PPP2R2B: variants seen among roughly 807,000 people sequenced by gnomAD.
PPP2R2B encodes protein phosphatase 2 regulatory subunit Bbeta, also known as serine/threonine-protein phosphatase 2A 55 kDa regulatory subunit B beta isoform.
In PPP2R2B, 5 loss-of-function variants were observed where a neutral mutation model predicts 46.0. That is an observed-to-expected ratio of 0.11 (90% CI 0.06 to 0.23). The LOEUF is 0.23. Among genes scored for constraint, PPP2R2B ranks in the 10% least tolerant of loss-of-function variants. The pLI is 1.00. For missense variants in PPP2R2B, 367 were observed against 575.0 expected (o/e 0.64, Z 3.70); for synonymous variants, 215 against 206.7 (o/e 1.04, Z -0.34).
intron 4 of PPP2R2B, among the ~76,000 whole-genome samples, chr5:146,696,859 C>A (rs543487410): frequency 6.6e-6 from 1 of 152,114 alleles, no homozygotes; most frequent in Non-Finnish European, 1.5e-5. Flanking sequence ...AATAACTTTC[C>A]GCTTTTTTCC....
intron 2 of PPP2R2B, among the ~76,000 whole-genome samples, chr5:147,071,569 C>A (rs1757600497): frequency 1.3e-5 from 2 of 152,200 alleles, no homozygotes; most frequent in African/African-American, 4.8e-5. Flanking sequence ...TAAGCCCTTG[C>A]CTCAGGGCAA....
intron 1 of PPP2R2B, among the ~76,000 whole-genome samples, chr5:146,992,798 G>T (rs1229329356): frequency 1.3e-5 from 2 of 152,198 alleles, no homozygotes; most frequent in Non-Finnish European, 2.9e-5. Context: ...ACTCTTATAG[G>T]TGAAAGCATA....
At chr5:146,893,324 A>G (rs897222569) in intron 1 of PPP2R2B, among the ~76,000 whole-genome samples, 4 of 152,230 alleles carry the variant, frequency 2.6e-5, no homozygotes, top group African/African-American at 9.6e-5. Context: ...ACCATCTAAG[A>G]TGATTAAAAT....
At chr5:146,812,799 A>ATATATATATATATATATATG (rs1757684992) in intron 2 of PPP2R2B, among the ~76,000 whole-genome samples, 2 of 49,524 alleles carry the variant, frequency 4.0e-5, no homozygotes, top group African/African-American at 8.3e-5. Flanking sequence ...GTGTGTATAT[A>ATATATATATATATATATATG]TATATATATA....
At position 146,696,945 on chromosome 5, in the gene PPP2R2B, T is replaced by A. The variant is rs150087552; in HGVS notation, c.334+1034A>T. ...AAGGAACAAATTGACAAGTTGCCCA[T>A]ACTGCACAAAAATTAATCATGATGA... On this transcript the variant is annotated intron_variant, in intron 4 of 9. Transcript: ENST00000394411. Among the ~76,000 whole-genome samples, 98 of 152,342 alleles carry A rather than the reference T, an allele frequency of 6.4e-4. No individual in the cohort carries two copies. The East Asian group carries it at 0.017, about 27-fold the overall frequency.
At chr5:146,738,246 A>G (rs966676239) in intron 2 of PPP2R2B, among the ~76,000 whole-genome samples, 3 of 151,576 alleles carry the variant, frequency 2.0e-5, no homozygotes, top group African/African-American at 7.3e-5. Context: ...TATACAAAAA[A>G]TTAGCCGGGC....
intron 2 of PPP2R2B, 152 bp from the exon 3 acceptor site, chr5:146,701,294 AC>A: frequency 1.2e-6 from 1 of 803,542 alleles, no homozygotes; most frequent in Non-Finnish European, 2.2e-6. Flanking sequence ...TTTAAATGCC[AC>A]CAGAAGTGGC....
chr5:146,888,862 G>A (rs1762408152), intron 1 of PPP2R2B, among the ~76,000 whole-genome samples: 1 of 152,122 alleles, frequency 6.6e-6, no homozygotes, highest in Admixed American at 6.5e-5. Flanking sequence ...TCTGGTGTCT[G>A]TTCCAGTATC....
At chr5:146,752,416 T>C (rs4705120) in intron 2 of PPP2R2B, among the ~76,000 whole-genome samples, 133,287 of 152,190 alleles carry the variant, frequency 0.88, 58,439 homozygotes, top group African/African-American at 0.9. Flanking sequence ...ATCCTATCAG[T>C]GCTGCTCATT....
intron 2 of PPP2R2B, among the ~76,000 whole-genome samples, chr5:146,728,343 C>T (rs975155233): frequency 1.1e-4 from 17 of 151,892 alleles, no homozygotes; most frequent in Non-Finnish European, 2.2e-4. Context: ...ACCTTTTCCC[C>T]ATGTTTAGTA....
chr5:147,056,202 A>G, upstream of PPP2R2B: 1 of 853,226 alleles, frequency 1.2e-6, no homozygotes, highest in Non-Finnish European at 1.4e-6. Flanking sequence ...CAAAGACAGC[A>G]TAGTGTTCTG....
chr5:146,821,177 T>C (rs1023910461), intron 2 of PPP2R2B, among the ~76,000 whole-genome samples: 4 of 151,944 alleles, frequency 2.6e-5, no homozygotes, highest in African/African-American at 4.8e-5. Flanking sequence ...TATATATATA[T>C]CCACAGACAA....
chr5:146,600,180 C>T, intron 8 of PPP2R2B, 111 bp downstream of exon 8: 9 of 1,117,664 alleles, frequency 8.1e-6, no homozygotes, highest in Admixed American at 2.3e-5. Context: ...GAATGTATCA[C>T]CATGCATTGC....
At chr5:146,593,208 G>T in intron 8 of PPP2R2B, 146 bp from the exon 9 acceptor site, 1 of 712,206 alleles carries the variant, frequency 1.4e-6, no homozygotes, top group Non-Finnish European at 2.4e-6. Flanking sequence ...ACCTAGGCTT[G>T]GCCCTTTTAG....
chr5:147,060,910 T>C (rs942432961), upstream of PPP2R2B, among the ~76,000 whole-genome samples: 1 of 152,210 alleles, frequency 6.6e-6, no homozygotes, highest in Admixed American at 6.5e-5. Context: ...AGGAGTTTGA[T>C]AAGTACATGC....
chr5:147,031,284 G>T (rs890837308), intron 1 of PPP2R2B, among the ~76,000 whole-genome samples: 1 of 151,930 alleles, frequency 6.6e-6, no homozygotes, highest in Non-Finnish European at 1.5e-5. Context: ...TATTTTATTA[G>T]ATAGAGCATT....
intron 2 of PPP2R2B, among the ~76,000 whole-genome samples, chr5:146,782,250 G>A (rs116765984): frequency 0.054 from 8,242 of 152,242 alleles, 216 homozygotes; most frequent in Non-Finnish European, 0.069. Context: ...TTATAGCAAT[G>A]CAGGAACGAT....
chr5:146,649,104 C>G (rs1775772013), intron 6 of PPP2R2B, among the ~76,000 whole-genome samples: 1 of 152,160 alleles, frequency 6.6e-6, no homozygotes, highest in Non-Finnish European at 1.5e-5. Flanking sequence ...TGAGAGACAA[C>G]AGTGGCTTAT....
chr5:146,894,103 A>T (rs1353225846), intron 1 of PPP2R2B, among the ~76,000 whole-genome samples: 1 of 152,134 alleles, frequency 6.6e-6, no homozygotes, highest in African/African-American at 2.4e-5. Flanking sequence ...CGCTGCTACT[A>T]AGTTAGCCTG....
Sources: gnomAD v4.1 joint callset for allele counts (sites outside exome capture counted in the v4.1 genomes callset) on GRCh38, gnomAD v4.1.1 for gene constraint, MANE v1.5 for transcripts, NCBI Gene and HGNC (gene_info 2026-07-23, HGNC 2026-07-21) for gene names.